Variants in EIF2D observed in about 807,000 individuals in gnomAD.
EIF2D encodes hepatocellular carcinoma-associated antigen 56.
In EIF2D, 56 loss-of-function variants were observed where a neutral mutation model predicts 77.4. That is an observed-to-expected ratio of 0.72 (90% CI 0.58 to 0.90). The LOEUF is 0.90. Among genes scored for constraint, EIF2D ranks in the 40% least tolerant of loss-of-function variants. The probability of loss-of-function intolerance (pLI) is 0.00; values close to 1 mark genes in which losing one functional copy is unlikely to be tolerated. For synonymous variants in EIF2D, 230 were observed against 271.0 expected, an observed-to-expected ratio of 0.85 and a Z score of 1.49; for missense variants, 574 against 706.5, an observed-to-expected ratio of 0.81 and a Z score of 2.13.
At chr1:206,570,214 C>T (rs1668405831), downstream of EIF2D, among the ~76,000 whole-genome samples, 1 of 151,670 alleles carries the variant, frequency 6.6e-6, no homozygotes, top group East Asian at 1.9e-4. Flanking sequence ...GCCTCAGCCT[C>T]CCGAGTAGCT....
chr1:206,585,369 T>G, intron 2 of EIF2D: 1 of 1,056,846 alleles, frequency 9.5e-7, no homozygotes, highest in South Asian at 1.3e-5. Context: ...TTGTCCTAAC[T>G]ACCTCACATA....
intron 2 of EIF2D, chr1:206,583,736 T>G: frequency 3.7e-6 from 1 of 267,362 alleles, no homozygotes. Flanking sequence ...CTCCCCTTCC[T>G]ACCCCTTCGA....
At chr1:206,575,112 G>A (rs895162857) in intron 4 of EIF2D, among the ~76,000 whole-genome samples, 5 of 151,870 alleles carry the variant, frequency 3.3e-5, no homozygotes, top group South Asian at 2.1e-4. Flanking sequence ...CTTTGAATGC[G>A]GTTTGGACAT....
At chr1:206,586,997 C>T (rs782174160), downstream of EIF2D, 172 of 1,613,842 alleles carry the variant, frequency 1.1e-4, no homozygotes, top group Middle Eastern at 2.0e-3. Context: ...GCTTCCTCTC[C>T]TCCTGGTGCA....
chr1:206,608,183 C>T (rs1670289012), intron 4 of EIF2D, 53 bp downstream of exon 4: 1 of 1,549,130 alleles, frequency 6.5e-7, no homozygotes, highest in South Asian at 1.2e-5. Flanking sequence ...TCCCCTCCAA[C>T]TTCTCTTTTA....
At chr1:206,586,827 G>C (rs1553407747), downstream of EIF2D, 1 of 1,613,068 alleles carries the variant, frequency 6.2e-7, no homozygotes, top group South Asian at 1.1e-5. Context: ...GCCTCACAGT[G>C]GGATGCCTTC....
chr1:206,574,853 C>CTT (rs71570015), intron 4 of EIF2D, among the ~76,000 whole-genome samples: 903 of 86,062 alleles, frequency 0.01, 12 homozygotes, highest in Middle Eastern at 0.023. Flanking sequence ...GGACCAATGA[C>CTT]TTTTTTTTTT....
chr1:206,588,119 C>G (rs529044713), downstream of EIF2D: 1 of 152,810 alleles, frequency 6.5e-6, no homozygotes, highest in Non-Finnish European at 1.5e-5. Flanking sequence ...GCCTCCCCGT[C>G]GACCTCAGTG....
rs1670014284 is a variant in EIF2D at position 206,603,148 on chromosome 1, G to A, written c.587C>T (p.Ala196Val). The change falls in exon 6 of 15, where the codon GCA becomes GTA. Residue 196 changes from alanine to valine, a missense_variant. Physicochemically the swap from Ala to Val is moderately conservative, Grantham distance 64. Coordinates refer to ENST00000271764, the MANE Select transcript of EIF2D (RefSeq NM_006893.3). ...PSIAPLALDSADLSEEKGSVQ... is the reference protein window; with the variant it reads ...PSIAPLALDSVDLSEEKGSVQ... ...AGACCCCTTCTCTTCACTGAGATCT[G>A]CTGAATCCAGGGCCAGTGGAGCAAT... 6.2e-7 allele frequency: 1 copy of A among 1,614,128 alleles called. No individual in the cohort carries two copies.
chr1:206,605,569 G>A (rs1670168474), intron 4 of EIF2D, 62 bp from the exon 5 acceptor site: 2 of 1,395,742 alleles, frequency 1.4e-6, no homozygotes, highest in South Asian at 1.2e-5. Context: ...CACATGTTAG[G>A]ATCATCTTCT....
intron 4 of EIF2D, among the ~76,000 whole-genome samples, chr1:206,606,372 A>G (rs1469449119): frequency 6.6e-6 from 1 of 152,136 alleles, no homozygotes; most frequent in Admixed American, 6.5e-5. Flanking sequence ...TTTCTCATCT[A>G]CCCCTGAAAG....
At chr1:206,582,300 G>C (rs1668921822) in intron 2 of EIF2D, among the ~76,000 whole-genome samples, 1 of 152,174 alleles carries the variant, frequency 6.6e-6, no homozygotes, top group South Asian at 2.1e-4. Context: ...CTTCCCAGGG[G>C]GTGGGAGGAG....
Position 206,602,232 on chromosome 1 carries a change from T to C in EIF2D, c.902+104A>G, listed in dbSNP as rs572268223. ...CCTTCCCTCCACTCTTTCCACAGCA[T>C]GTCCCTCAACCAGTCCCTGCATTGG... is the stretch of plus-strand genomic sequence containing the variant. On this transcript the variant is annotated intron_variant, in intron 7 of 14. Coordinates refer to ENST00000271764, the MANE Select transcript of EIF2D (RefSeq NM_006893.3). 7.3e-5 allele frequency: 59 copies of C among 810,640 alleles called. 2 individuals are homozygous for C. In the South Asian group the frequency reaches 8.2e-4, roughly 11 times the overall value. The allele number at this position is 810,640 out of a possible 1,614,324, so 50.2% of individuals were successfully genotyped here. A position where few individuals can be genotyped will look rare whatever the true frequency, so the allele number is the denominator to read the frequency against.
chr1:206,586,717 C>G, downstream of EIF2D: 1 of 836,994 alleles, frequency 1.2e-6, no homozygotes, highest in Non-Finnish European at 1.9e-6. Context: ...GTGTGTGAAT[C>G]ACGGATGTGA....
chr1:206,573,707 C>G (rs1450961885), intron 4 of EIF2D, among the ~76,000 whole-genome samples: 4 of 152,158 alleles, frequency 2.6e-5, no homozygotes, highest in Non-Finnish European at 4.4e-5. Flanking sequence ...GGATGGTCTA[C>G]TTGGAAGTTA....
downstream of EIF2D, chr1:206,588,741 C>T (rs1248927954): frequency 2.0e-5 from 3 of 152,706 alleles, no homozygotes; most frequent in African/African-American, 7.2e-5. Flanking sequence ...ACCACAAAAA[C>T]CCTGGTTAGC....
At chr1:206,610,783 T>C (rs781874093) in intron 2 of EIF2D, among the ~76,000 whole-genome samples, 8 of 152,146 alleles carry the variant, frequency 5.3e-5, no homozygotes, top group Non-Finnish European at 1.2e-4. Flanking sequence ...ATTGCGCCAC[T>C]GCACTCCAGC....
chr1:206,593,963 A>G, intron 13 of EIF2D, 170 bp from the exon 14 acceptor site: 1 of 552,398 alleles, frequency 1.8e-6, no homozygotes, highest in Non-Finnish European at 3.1e-6. Flanking sequence ...GTGCTTCTAA[A>G]TTGATTCTGT....
At chr1:206,577,089 G>C (rs1354721866) in intron 4 of EIF2D, among the ~76,000 whole-genome samples, 10 of 152,036 alleles carry the variant, frequency 6.6e-5, no homozygotes, top group Admixed American at 6.6e-4. Flanking sequence ...GGGATTGTAG[G>C]TGTGAGCCAC....
Sources: allele counts gnomAD v4.1 joint callset (sites outside exome capture counted in the v4.1 genomes callset), GRCh38; gene constraint gnomAD v4.1.1; transcripts MANE v1.5; gene names NCBI Gene and HGNC (gene_info 2026-07-23, HGNC 2026-07-21).